The following VKORC1L1 variants were observed in gnomAD, a reference collection of about 807,000 sequenced individuals.
VKORC1L1 encodes vitamin K epoxide reductase complex subunit 1-like protein 1.
In VKORC1L1, 2 loss-of-function variants were observed where a neutral mutation model predicts 18.9. That is an observed-to-expected ratio of 0.11 (90% CI 0.04 to 0.33). The LOEUF is 0.33. VKORC1L1 is among the 10% of genes least tolerant of loss of function. The probability of loss-of-function intolerance (pLI) is 1.00; values close to 1 mark genes in which losing one functional copy is unlikely to be tolerated. For missense variants in VKORC1L1, 123 were observed against 224.1 expected, an observed-to-expected ratio of 0.55 and a Z score of 2.88; for synonymous variants, 96 against 100.0, an observed-to-expected ratio of 0.96 and a Z score of 0.24.
At chr7:65,927,152 T>C (rs1268897912) in intron 1 of VKORC1L1, among the ~76,000 whole-genome samples, 1 of 152,098 alleles carries the variant, frequency 6.6e-6, no homozygotes, top group African/African-American at 2.4e-5. Flanking sequence ...CTGGGCATAG[T>C]AGTGGGTGCC....
chr7:65,877,018 G>A (rs1327988185), intron 1 of VKORC1L1, among the ~76,000 whole-genome samples: 1 of 152,180 alleles, frequency 6.6e-6, no homozygotes, highest in Admixed American at 6.5e-5. Context: ...CTGCACTCCA[G>A]CCTGGGTGGT....
chr7:65,895,514 TATACACACACAC>T (rs1446686743), intron 1 of VKORC1L1, among the ~76,000 whole-genome samples: 6 of 77,498 alleles, frequency 7.7e-5, no homozygotes, highest in South Asian at 5.5e-4. Context: ...TATATATATA[TATACACACACAC>T]ACACACACAC....
chr7:65,897,399 A>G (rs1789232758), intron 1 of VKORC1L1, among the ~76,000 whole-genome samples: 2 of 152,242 alleles, frequency 1.3e-5, no homozygotes, highest in Admixed American at 1.3e-4. Flanking sequence ...TCTAAACTCT[A>G]TGGAGAGCAG....
At chr7:65,872,725 A>G (rs962419074), upstream of VKORC1L1, among the ~76,000 whole-genome samples, 9 of 152,120 alleles carry the variant, frequency 5.9e-5, no homozygotes, top group Non-Finnish European at 1.2e-4. Flanking sequence ...TGGTGGTGGG[A>G]AGATCAGGTC....
intron 1 of VKORC1L1, among the ~76,000 whole-genome samples, chr7:65,929,935 T>TG (rs2115659866): frequency 6.6e-6 from 1 of 152,020 alleles, no homozygotes; most frequent in East Asian, 1.9e-4. Flanking sequence ...AATATCTCTA[T>TG]GTATATAGGT....
At chr7:65,898,252 A>T (rs895276496) in intron 1 of VKORC1L1, among the ~76,000 whole-genome samples, 2 of 151,564 alleles carry the variant, frequency 1.3e-5, no homozygotes, top group African/African-American at 4.9e-5. Context: ...ACGCCCGGCT[A>T]ATTTTTGTAT....
At chr7:65,937,827 A>G (rs1789968688) in intron 1 of VKORC1L1, among the ~76,000 whole-genome samples, 1 of 152,234 alleles carries the variant, frequency 6.6e-6, no homozygotes, top group Non-Finnish European at 1.5e-5. Context: ...TGTATGTCCA[A>G]GGAACTCAGA....
chr7:65,917,373 A>G (rs916417792), intron 1 of VKORC1L1, among the ~76,000 whole-genome samples: 9 of 152,102 alleles, frequency 5.9e-5, no homozygotes, highest in African/African-American at 1.9e-4. Context: ...TTTTGCCTGC[A>G]TAGGACAGTC....
intron 1 of VKORC1L1, among the ~76,000 whole-genome samples, chr7:65,939,769 A>G (rs771265452): frequency 6.6e-6 from 1 of 152,216 alleles, no homozygotes; most frequent in African/African-American, 2.4e-5. Context: ...AACCAGGCAC[A>G]GTGGTGTCAG....
intron 1 of VKORC1L1, among the ~76,000 whole-genome samples, chr7:65,935,499 G>A (rs1415383946): frequency 1.3e-5 from 2 of 151,990 alleles, no homozygotes; most frequent in Admixed American, 6.6e-5. Context: ...TAGTAGAGAC[G>A]GGTTTTCACC....
At chr7:65,871,555 C>T (rs1198838216), upstream of VKORC1L1, among the ~76,000 whole-genome samples, 2 of 152,186 alleles carry the variant, frequency 1.3e-5, no homozygotes, top group East Asian at 3.9e-4. Context: ...GATGTCACTT[C>T]TGGGATTAGG....
chr7:65,887,137 C>A (rs1237725887), intron 1 of VKORC1L1, among the ~76,000 whole-genome samples: 2 of 152,084 alleles, frequency 1.3e-5, no homozygotes, highest in East Asian at 3.9e-4. Context: ...GCATGAGCCA[C>A]CATGCCTGGC....
At chr7:65,882,415 CAA>C (rs34950335) in intron 1 of VKORC1L1, among the ~76,000 whole-genome samples, 3,855 of 123,972 alleles carry the variant, frequency 0.031, 94 homozygotes, top group East Asian at 0.092. Flanking sequence ...AGTAAAAAAG[CAA>C]AAAAAAAAAA....
rs779258646 is a variant in VKORC1L1 at position 65,873,574 on chromosome 7, C to T, written c.194+9C>T. 4.6e-6 allele frequency: 7 copies of T among 1,528,462 alleles called. No homozygotes were observed. Among genetic ancestry groups the T allele is most frequent in the African/African-American group, 4.2e-5 (3 of 71,354 alleles). 94.7% of individuals were successfully genotyped at this position (1,528,462 alleles called of 1,614,324 possible). A position where few individuals can be genotyped will look rare whatever the true frequency, so the allele number is the denominator to read the frequency against. On this transcript the variant is annotated intron_variant, in intron 1 of 2. Coordinates refer to ENST00000360768, the MANE Select transcript of VKORC1L1 (RefSeq NM_173517.6). ...GCCGCCCTTGCCTCCAGGTAGCCGG[C>T]TTGGGGGAGTGGGCCAGGAGCGGCC...
chr7:65,957,568 C>A lies in VKORC1L1; in HGVS notation c.*3268C>A, dbSNP rs570861639. 1 of 151,746 alleles carries A rather than the reference C, an allele frequency of 6.6e-6. No individual in the cohort carries two copies. Among genetic ancestry groups the A allele is most frequent in the East Asian group, 1.9e-4 (1 of 5,150 alleles). The allele number at this position is 151,746 out of a possible 1,614,324, so 9.4% of individuals were successfully genotyped here. A position where few individuals can be genotyped will look rare whatever the true frequency, so the allele number is the denominator to read the frequency against. Reference sequence around the variant, plus strand: ...TGTTTGCTGGCTGGGCATGGTGGCTCACACCTGTAATCCCAGCACTTTGGG... The same window carrying A: ...TGTTTGCTGGCTGGGCATGGTGGCTAACACCTGTAATCCCAGCACTTTGGG... On this transcript the variant is annotated 3_prime_UTR_variant, in exon 3 of 3. Transcript: ENST00000360768.
At chr7:65,880,893 C>T (rs961385453) in intron 1 of VKORC1L1, among the ~76,000 whole-genome samples, 6 of 152,120 alleles carry the variant, frequency 3.9e-5, no homozygotes, top group African/African-American at 1.4e-4. Flanking sequence ...AGCTTTTCTT[C>T]TATAAAGTTA....
intron 1 of VKORC1L1, among the ~76,000 whole-genome samples, chr7:65,874,761 A>G (rs1028187552): frequency 1.3e-5 from 2 of 152,080 alleles, no homozygotes; most frequent in Admixed American, 1.3e-4. Flanking sequence ...AGCCAAGACC[A>G]CACCATTGCA....
At chr7:65,911,850 TG>T (rs1208812049) in intron 1 of VKORC1L1, among the ~76,000 whole-genome samples, 2 of 152,238 alleles carry the variant, frequency 1.3e-5, no homozygotes, top group Non-Finnish European at 2.9e-5. Context: ...CATTTTGCTC[TG>T]ACTGGATGAT....
intron 1 of VKORC1L1, among the ~76,000 whole-genome samples, chr7:65,909,441 A>G (rs564672599): frequency 1.2e-4 from 18 of 152,270 alleles, no homozygotes; most frequent in East Asian, 5.8e-4. Context: ...TGGACTTCCA[A>G]TTGTATCCAC....
Sources: gnomAD v4.1 joint callset for allele counts (sites outside exome capture counted in the v4.1 genomes callset) on GRCh38, gnomAD v4.1.1 for gene constraint, MANE v1.5 for transcripts, NCBI Gene and HGNC (gene_info 2026-07-23, HGNC 2026-07-21) for gene names.